CTTNBP2NL: variants seen among roughly 807,000 people sequenced by gnomAD.
CTTNBP2NL encodes CTTNBP2 N-terminal like, also known as CTTNBP2 N-terminal-like protein.
A neutral mutation model predicts 32.5 loss-of-function variants in CTTNBP2NL; 16 were observed. The observed-to-expected ratio is 0.49, with a 90% CI of 0.33 to 0.75. The LOEUF (loss-of-function observed/expected upper bound fraction) is 0.75, where lower values mean the gene tolerates loss of function less well. Among genes scored for constraint, CTTNBP2NL ranks in the 30% least tolerant of loss-of-function variants. The pLI is 0.02. For missense variants in CTTNBP2NL, 645 were observed against 756.0 expected, an observed-to-expected ratio of 0.85 and a Z score of 1.72; for synonymous variants, 298 against 289.4, an observed-to-expected ratio of 1.03 and a Z score of -0.30.
At chr1:112,400,925 C>T (rs1027177597) in intron 1 of CTTNBP2NL, among the ~76,000 whole-genome samples, 1 of 143,826 alleles carries the variant, frequency 7.0e-6, no homozygotes, top group Non-Finnish European at 1.5e-5. Flanking sequence ...AAGATTGTGT[C>T]ACTGCACTCC....
At chr1:112,416,311 T>G in intron 3 of CTTNBP2NL, 47 bp downstream of exon 3, 1 of 955,982 alleles carries the variant, frequency 1.0e-6, no homozygotes, top group Non-Finnish European at 1.6e-6. Context: ...ATTGTGAAAG[T>G]CATTCATTAG....
intron 1 of CTTNBP2NL, among the ~76,000 whole-genome samples, chr1:112,402,405 T>G (rs1007248026): frequency 2.0e-5 from 3 of 151,654 alleles, no homozygotes; most frequent in Non-Finnish European, 4.4e-5. Context: ...GCAACAACAG[T>G]GAAACTCCAT....
intron 3 of CTTNBP2NL, among the ~76,000 whole-genome samples, chr1:112,438,024 C>A (rs961734795): frequency 2.6e-5 from 4 of 152,172 alleles, no homozygotes; most frequent in Admixed American, 6.5e-5. Flanking sequence ...GAAATCTTTG[C>A]CAGTTCCCGT....
At chr1:112,392,523 G>A (rs1403306986), upstream of CTTNBP2NL, among the ~76,000 whole-genome samples, 1 of 152,060 alleles carries the variant, frequency 6.6e-6, no homozygotes, top group Non-Finnish European at 1.5e-5. Context: ...GTCGAATGAT[G>A]TCCCCCCAAA....
intron 3 of CTTNBP2NL, among the ~76,000 whole-genome samples, chr1:112,445,332 C>CATTACACA (rs1156659641): frequency 2.6e-5 from 4 of 152,126 alleles, no homozygotes; most frequent in South Asian, 4.2e-4. Context: ...AATAGATCAT[C>CATTACACA]ATTACACACC....
Position 112,454,477 on chromosome 1 carries a change from A to G in CTTNBP2NL, c.359A>G (p.Gln120Arg). The G allele has an allele frequency of 6.2e-7, 1 of 1,614,086 alleles. No individual in the cohort carries two copies. Among genetic ancestry groups the G allele is most frequent in the Non-Finnish European group, 8.5e-7 (1 of 1,179,902 alleles). Reference sequence around the variant, plus strand: ...ATCCTAGACCTTGAGGAAGAAAGGCAGCGGCATGCACAGGATACGGCTGAA... The same window carrying G: ...ATCCTAGACCTTGAGGAAGAAAGGCGGCGGCATGCACAGGATACGGCTGAA... ...KVILDLEEER[Q>R]RHAQDTAEGD... The change falls in exon 5 of 6, where the codon CAG becomes CGG. Residue 120 changes from glutamine to arginine, a missense_variant. Coordinates refer to ENST00000271277, the MANE Select transcript of CTTNBP2NL (RefSeq NM_018704.3).
chr1:112,417,557 A>G (rs1233961143), intron 3 of CTTNBP2NL, among the ~76,000 whole-genome samples: 1 of 152,196 alleles, frequency 6.6e-6, no homozygotes, highest in Non-Finnish European at 1.5e-5. Flanking sequence ...GCAAGAGCTA[A>G]AATTAAGGGA....
At chr1:112,453,388 G>T (rs927622010) in intron 4 of CTTNBP2NL, among the ~76,000 whole-genome samples, 1 of 152,164 alleles carries the variant, frequency 6.6e-6, no homozygotes, top group Non-Finnish European at 1.5e-5. Context: ...TCTGAAGCAT[G>T]AGCAGAAGCT....
At chr1:112,421,587 C>T (rs547117744) in intron 3 of CTTNBP2NL, among the ~76,000 whole-genome samples, 7 of 147,738 alleles carry the variant, frequency 4.7e-5, no homozygotes, top group African/African-American at 1.8e-4. Context: ...AGGCATGAGC[C>T]ACTGTGCCCG....
intron 3 of CTTNBP2NL, among the ~76,000 whole-genome samples, chr1:112,422,986 G>T (rs2492519): frequency 0.51 from 76,914 of 151,846 alleles, 22,198 homozygotes; most frequent in South Asian, 0.7. Flanking sequence ...TAGAAATGAG[G>T]TCTCACCATG....
In CTTNBP2NL at chr1:112,457,577, A is replaced by T; in HGVS notation, c.*165A>T. ...TTTGTATTTTTTTAAGTAGAAACTG[A>T]GTAGTTTGGATTTTTATGGCTCACA... On this transcript the variant is annotated 3_prime_UTR_variant, in exon 6 of 6. Coordinates refer to ENST00000271277, the MANE Select transcript of CTTNBP2NL (RefSeq NM_018704.3). The T allele has an allele frequency of 1.6e-6, 1 of 642,992 alleles. No homozygotes were observed. 39.8% of individuals were successfully genotyped at this position (642,992 alleles called of 1,614,324 possible).
At chr1:112,391,372 C>T (rs911030124), upstream of CTTNBP2NL, among the ~76,000 whole-genome samples, 1 of 152,202 alleles carries the variant, frequency 6.6e-6, no homozygotes. Flanking sequence ...TTCATTTCAA[C>T]TTCTACATCT....
upstream of CTTNBP2NL, among the ~76,000 whole-genome samples, chr1:112,393,202 C>T (rs1378559717): frequency 2.0e-5 from 3 of 152,158 alleles, no homozygotes; most frequent in Non-Finnish European, 4.4e-5. Flanking sequence ...TGAGACAGAA[C>T]ACATTTCTGT....
intron 3 of CTTNBP2NL, among the ~76,000 whole-genome samples, chr1:112,420,269 C>T (rs2492514): frequency 0.55 from 83,509 of 151,358 alleles, 24,158 homozygotes; most frequent in South Asian, 0.71. Context: ...TCTCAGCCTC[C>T]GAGTAGCTGG....
intron 3 of CTTNBP2NL, among the ~76,000 whole-genome samples, chr1:112,429,931 A>G (rs965702859): frequency 6.6e-6 from 1 of 152,072 alleles, no homozygotes; most frequent in Non-Finnish European, 1.5e-5. Flanking sequence ...AATAGTAGGA[A>G]CTCTTCTAAT....
chr1:112,456,444 C>G lies in CTTNBP2NL; in HGVS notation c.952C>G (p.Pro318Ala), dbSNP rs1250395254. 2.5e-6 allele frequency: 4 copies of G among 1,614,120 alleles called. No homozygotes were observed. Among genetic ancestry groups the G allele is most frequent in the Non-Finnish European group, 3.4e-6 (4 of 1,180,024 alleles). Residue 318 changes from proline to alanine, a missense_variant, in exon 6 of 6, where the codon CCA becomes GCA. By Grantham distance (27) the Pro-to-Ala change is conservative. Transcript: ENST00000271277. ...MSVFCQTESF[P>A]AERTHGSNIA... ...TGTGTTTTGCCAAACAGAGAGTTTT[C>G]CAGCAGAAAGAACCCATGGGAGCAA... is the stretch of plus-strand genomic sequence containing the variant.
intron 3 of CTTNBP2NL, among the ~76,000 whole-genome samples, chr1:112,425,902 C>CA (rs1326667636): frequency 6.6e-6 from 1 of 151,146 alleles, no homozygotes; most frequent in Non-Finnish European, 1.5e-5. Flanking sequence ...TTTCTACAGA[C>CA]AATTATGTCT....
intron 3 of CTTNBP2NL, among the ~76,000 whole-genome samples, chr1:112,444,839 T>C (rs1410447076): frequency 6.6e-6 from 1 of 152,166 alleles, no homozygotes; most frequent in Non-Finnish European, 1.5e-5. Flanking sequence ...CATCTAGTCA[T>C]TGACCTTGTA....
At chr1:112,446,519 A>G (rs974214539) in intron 3 of CTTNBP2NL, among the ~76,000 whole-genome samples, 1 of 152,206 alleles carries the variant, frequency 6.6e-6, no homozygotes, top group African/African-American at 2.4e-5. Flanking sequence ...TTAAAATACA[A>G]CTAGCTTTTT....
Sources: allele counts gnomAD v4.1 joint callset (sites outside exome capture counted in the v4.1 genomes callset), GRCh38; gene constraint gnomAD v4.1.1; transcripts MANE v1.5; gene names NCBI Gene and HGNC (gene_info 2026-07-23, HGNC 2026-07-21).